Variants in XIRP2 observed in about 807,000 individuals in gnomAD.
XIRP2 encodes xin actin-binding repeat-containing protein 2.
XIRP2 carries 236 observed loss-of-function variants against 277.0 expected under a neutral mutation model. That is an observed-to-expected ratio of 0.85 (90% CI 0.77 to 0.95). The LOEUF (loss-of-function observed/expected upper bound fraction) is 0.95, where lower values mean the gene tolerates loss of function less well. Among genes scored for constraint, XIRP2 ranks in the 40% least tolerant of loss-of-function variants. XIRP2 has a pLI of 0.00. For synonymous variants in XIRP2, 1,490 were observed against 1,416.5 expected, an observed-to-expected ratio of 1.05 and a Z score of -1.17; for missense variants, 4,640 against 4,157.5, an observed-to-expected ratio of 1.12 and a Z score of -3.19.
intron 2 of XIRP2, among the ~76,000 whole-genome samples, chr2:167,102,741 G>A (rs139670668): frequency 9.7e-4 from 147 of 152,202 alleles, no homozygotes; most frequent in African/African-American, 3.4e-3. Context: ...ACATGCCTGC[G>A]TTTGCACATG....
At chr2:167,077,069 C>A (rs1689591823) in intron 2 of XIRP2, among the ~76,000 whole-genome samples, 1 of 151,962 alleles carries the variant, frequency 6.6e-6, no homozygotes, top group Non-Finnish European at 1.5e-5. Flanking sequence ...CCAGGCTGCT[C>A]ACAAACTCCT....
chr2:167,217,579 G>A (rs566452594), intron 4 of XIRP2, among the ~76,000 whole-genome samples: 1 of 151,920 alleles, frequency 6.6e-6, no homozygotes, highest in African/African-American at 2.4e-5. Context: ...TTAAAATGTG[G>A]GTAATAGGTG....
chr2:167,117,292 C>A (rs115638820), intron 2 of XIRP2, among the ~76,000 whole-genome samples: 1 of 152,102 alleles, frequency 6.6e-6, no homozygotes, highest in East Asian at 1.9e-4. Context: ...GACTCCTCTG[C>A]TCCACCTCCC....
intron 2 of XIRP2, among the ~76,000 whole-genome samples, chr2:167,119,151 G>C (rs1043480855): frequency 1.3e-5 from 2 of 152,116 alleles, no homozygotes; most frequent in African/African-American, 2.4e-5. Context: ...ATGAAGTGGA[G>C]ACAGTGGTAG....
chr2:166,963,870 T>A (rs185395358), intron 2 of XIRP2, among the ~76,000 whole-genome samples: 1 of 151,954 alleles, frequency 6.6e-6, no homozygotes, highest in East Asian at 1.9e-4. Flanking sequence ...AGGAAGTTTG[T>A]GATGATTCTG....
chr2:167,069,277 G>T (rs1460445747), intron 2 of XIRP2, among the ~76,000 whole-genome samples: 1 of 152,034 alleles, frequency 6.6e-6, no homozygotes, highest in Non-Finnish European at 1.5e-5. Flanking sequence ...GAATATTTTT[G>T]ATCTGCAGAT....
intron 2 of XIRP2, among the ~76,000 whole-genome samples, chr2:166,979,684 A>T (rs1686816475): frequency 6.6e-6 from 1 of 152,142 alleles, no homozygotes; most frequent in Admixed American, 6.5e-5. Flanking sequence ...GATGAATTGT[A>T]TTGACAGCTT....
At chr2:167,136,108 C>A (rs759928206) in intron 3 of XIRP2, 46 bp downstream of exon 3, 3 of 1,484,046 alleles carry the variant, frequency 2.0e-6, no homozygotes, top group Non-Finnish European at 2.7e-6. Flanking sequence ...ATACCTTGTA[C>A]AACATGAGTG....
intron 2 of XIRP2, among the ~76,000 whole-genome samples, chr2:167,022,684 G>C (rs1688018816): frequency 1.3e-5 from 2 of 151,624 alleles, no homozygotes; most frequent in African/African-American, 2.4e-5. Context: ...CCACCTATGA[G>C]TGAGAACATG....
At chr2:167,078,427 G>A (rs1424289182) in intron 2 of XIRP2, among the ~76,000 whole-genome samples, 1 of 152,100 alleles carries the variant, frequency 6.6e-6, no homozygotes, top group Non-Finnish European at 1.5e-5. Context: ...AGAGATAGTT[G>A]GATTTTTCCT....
chr2:167,009,581 G>C (rs1687607197), intron 2 of XIRP2, among the ~76,000 whole-genome samples: 1 of 152,030 alleles, frequency 6.6e-6, no homozygotes, highest in Non-Finnish European at 1.5e-5. Flanking sequence ...TATATACCCA[G>C]TAATGGGATG....
In XIRP2 at chr2:167,036,757, A is replaced by C. The variant is rs1688517678; in HGVS notation, c.409-99152A>C. 1.3e-5 allele frequency among the ~76,000 whole-genome samples: 2 copies of C among 152,208 alleles called. 1 individual carries two copies. Among genetic ancestry groups the C allele is most frequent in the African/African-American group, 4.8e-5 (2 of 41,524 alleles). ...ATATGGTTTGGCTGTGTCCCCACCC[A>C]AATCTCAACTTGAATTTTATCTCCC... On this transcript the variant is annotated intron_variant, in intron 2 of 10. Transcript: ENST00000409195.
intron 2 of XIRP2, among the ~76,000 whole-genome samples, chr2:166,943,369 C>T (rs967574483): frequency 6.6e-6 from 1 of 152,162 alleles, no homozygotes; most frequent in Admixed American, 6.5e-5. Flanking sequence ...CATGAAATGG[C>T]TCTGCTCTCT....
intron 2 of XIRP2, among the ~76,000 whole-genome samples, chr2:166,916,368 C>G (rs1385323174): frequency 6.6e-6 from 1 of 152,152 alleles, no homozygotes; most frequent in Non-Finnish European, 1.5e-5. Context: ...ATTCTGACTC[C>G]CCATTCCCCA....
chr2:167,207,252 A>G (rs747241366), intron 3 of XIRP2, among the ~76,000 whole-genome samples: 16 of 152,202 alleles, frequency 1.1e-4, no homozygotes, highest in Non-Finnish European at 1.3e-4. Context: ...ATGGTTCATA[A>G]CAAATCTATC....
intron 3 of XIRP2, among the ~76,000 whole-genome samples, chr2:167,186,035 C>T (rs928223319): frequency 2.6e-5 from 4 of 152,144 alleles, no homozygotes; most frequent in Non-Finnish European, 5.9e-5. Context: ...TGTTTTATAT[C>T]TGCACTAATA....
At chr2:167,165,108 T>C (rs1396772495) in intron 3 of XIRP2, among the ~76,000 whole-genome samples, 1 of 152,204 alleles carries the variant, frequency 6.6e-6, no homozygotes, top group Admixed American at 6.5e-5. Context: ...AAGGTAGCCT[T>C]TTCAGACTAG....
At chr2:166,999,812 T>G (rs1003389031) in intron 2 of XIRP2, among the ~76,000 whole-genome samples, 3 of 152,136 alleles carry the variant, frequency 2.0e-5, no homozygotes, top group African/African-American at 7.2e-5. Flanking sequence ...CAAGAGCATT[T>G]CAAGTCATTC....
At chr2:167,087,605 G>A (rs1206758788) in intron 2 of XIRP2, among the ~76,000 whole-genome samples, 6 of 142,978 alleles carry the variant, frequency 4.2e-5, no homozygotes, top group East Asian at 2.0e-4. Context: ...CTCCATGGGC[G>A]TAGGACCCTC....
Sources: gnomAD v4.1 joint callset for allele counts (sites outside exome capture counted in the v4.1 genomes callset) on GRCh38, gnomAD v4.1.1 for gene constraint, MANE v1.5 for transcripts, NCBI Gene and HGNC (gene_info 2026-07-23, HGNC 2026-07-21) for gene names.